Variants in PLGRKT observed in about 807,000 individuals in gnomAD.
PLGRKT encodes plasminogen receptor (KT).
In PLGRKT, 22 loss-of-function variants were observed where a neutral mutation model predicts 18.5. The ratio of observed to expected loss-of-function variants is 1.19; its 90% CI spans 0.85 to 1.70. The LOEUF (loss-of-function observed/expected upper bound fraction) is 1.70, where lower values mean the gene tolerates loss of function less well. PLGRKT is among the 40% of genes most tolerant of loss of function. PLGRKT has a pLI of 0.00. For missense variants in PLGRKT, 235 were observed against 174.4 expected, an observed-to-expected ratio of 1.35 and a Z score of -1.96; for synonymous variants, 72 against 52.8, an observed-to-expected ratio of 1.36 and a Z score of -1.58.
intron 4 of PLGRKT, among the ~76,000 whole-genome samples, chr9:5,361,425 T>C (rs1302114574): frequency 6.6e-6 from 1 of 152,196 alleles, no homozygotes; most frequent in Non-Finnish European, 1.5e-5. Context: ...ACTCTGAAGC[T>C]CAGGTTCCTT....
intron 3 of PLGRKT, among the ~76,000 whole-genome samples, chr9:5,386,878 C>A (rs1459138896): frequency 2.0e-5 from 3 of 151,920 alleles, no homozygotes; most frequent in African/African-American, 7.3e-5. Context: ...AACTGCTCAC[C>A]AGGTCTTGCC....
intron 3 of PLGRKT, among the ~76,000 whole-genome samples, chr9:5,379,509 T>G (rs535438521): frequency 6.6e-6 from 1 of 152,300 alleles, no homozygotes; most frequent in East Asian, 1.9e-4. Flanking sequence ...TATGTGTGTG[T>G]GTGTGTGTAC....
intron 3 of PLGRKT, among the ~76,000 whole-genome samples, chr9:5,393,537 T>A (rs891170805): frequency 6.6e-6 from 1 of 151,788 alleles, no homozygotes; most frequent in Non-Finnish European, 1.5e-5. Context: ...ACATTAGTCA[T>A]TTTACTCAGC....
At chr9:5,371,304 C>G (rs1175998270) in intron 3 of PLGRKT, among the ~76,000 whole-genome samples, 4 of 152,190 alleles carry the variant, frequency 2.6e-5, no homozygotes, top group Non-Finnish European at 4.4e-5. Flanking sequence ...CCATCCACTT[C>G]TGATATGATT....
chr9:5,359,329 T>G (rs1376464400), intron 5 of PLGRKT, among the ~76,000 whole-genome samples: 1 of 152,148 alleles, frequency 6.6e-6, no homozygotes, highest in African/African-American at 2.4e-5. Context: ...GGATTACAGG[T>G]GTGAGCCACT....
intron 3 of PLGRKT, among the ~76,000 whole-genome samples, chr9:5,368,451 G>A (rs551709612): frequency 1.4e-3 from 217 of 152,208 alleles, no homozygotes; most frequent in African/African-American, 5.1e-3. Flanking sequence ...TGCAGCTGGA[G>A]GCCATTATCC....
chr9:5,393,344 T>A (rs1263733843), intron 3 of PLGRKT, among the ~76,000 whole-genome samples: 1 of 151,794 alleles, frequency 6.6e-6, no homozygotes, highest in Non-Finnish European at 1.5e-5. Context: ...GCCTTCTACT[T>A]CCTACACCTC....
intron 3 of PLGRKT, among the ~76,000 whole-genome samples, chr9:5,427,595 A>T (rs767825275): frequency 1.3e-5 from 2 of 152,202 alleles, no homozygotes; most frequent in Non-Finnish European, 2.9e-5. Flanking sequence ...ATAGGTATGT[A>T]TGTACTGGGA....
chr9:5,371,441 A>T (rs1213920507), intron 3 of PLGRKT, among the ~76,000 whole-genome samples: 2 of 152,164 alleles, frequency 1.3e-5, no homozygotes, highest in Non-Finnish European at 2.9e-5. Flanking sequence ...TTCTCATGAC[A>T]GCGAATAACT....
At chr9:5,405,987 C>T (rs117182696) in intron 3 of PLGRKT, among the ~76,000 whole-genome samples, 5,054 of 151,868 alleles carry the variant, frequency 0.033, 129 homozygotes, top group Middle Eastern at 0.082. Flanking sequence ...ACATACATGC[C>T]GCCAACAAAC....
At chr9:5,420,146 C>T (rs1260359539) in intron 3 of PLGRKT, among the ~76,000 whole-genome samples, 1 of 152,164 alleles carries the variant, frequency 6.6e-6, no homozygotes, top group Non-Finnish European at 1.5e-5. Flanking sequence ...TCTATGATTT[C>T]ATTTACAGAA....
intron 3 of PLGRKT, among the ~76,000 whole-genome samples, chr9:5,413,471 G>A (rs1818402344): frequency 6.6e-6 from 1 of 152,184 alleles, no homozygotes. Context: ...CAGGCCCAGT[G>A]TAATCACAAG....
intron 3 of PLGRKT, among the ~76,000 whole-genome samples, chr9:5,394,508 G>A (rs1818008876): frequency 6.6e-6 from 1 of 151,852 alleles, no homozygotes; most frequent in African/African-American, 2.4e-5. Flanking sequence ...CGCCTCCCGG[G>A]TTCAAGCAAT....
intron 3 of PLGRKT, among the ~76,000 whole-genome samples, chr9:5,424,368 T>C (rs1175022109): frequency 3.8e-5 from 5 of 131,154 alleles, no homozygotes; most frequent in South Asian, 2.2e-4. Context: ...TAATACATAA[T>C]GTAATAATAT....
chr9:5,418,850 TC>T lies in PLGRKT; in HGVS notation c.81+13046del. The T allele has an allele frequency of 1.9e-6, 2 of 1,071,370 alleles. No individual in the cohort carries two copies. The highest frequency in any genetic ancestry group is 2.9e-6 in the Non-Finnish European group (2 of 697,712). The allele number at this position is 1,071,370 out of a possible 1,614,324, so 66.4% of individuals were successfully genotyped here. On this transcript the variant is annotated intron_variant, in intron 3 of 5. Transcript: ENST00000223864. This position sits in a 1 kb window ranked among gnomAD's most constrained non-coding sequence, Gnocchi z 4.2. The stretch of plus-strand genomic sequence containing the variant: ...GGGCATCGCACATCCTTCTGGCTGG[TC>T]CTCGTCTGCTGGAGGCAAACTGAAC...
intron 3 of PLGRKT, among the ~76,000 whole-genome samples, chr9:5,413,898 G>A (rs771344015): frequency 6.6e-6 from 1 of 152,048 alleles, no homozygotes; most frequent in African/African-American, 2.4e-5. Context: ...GATTTGGAGT[G>A]GTTTCCAGGA....
At chr9:5,385,262 C>A (rs1462429382) in intron 3 of PLGRKT, among the ~76,000 whole-genome samples, 1 of 152,082 alleles carries the variant, frequency 6.6e-6, no homozygotes, top group South Asian at 2.1e-4. Flanking sequence ...ATTGCTTAAG[C>A]CTTCATAACT....
chr9:5,437,485 T>A (rs773049003), intron 1 of PLGRKT: 6 of 152,240 alleles, frequency 3.9e-5, no homozygotes, highest in Non-Finnish European at 8.8e-5. Context: ...CCAGTTACTG[T>A]AATTTAGGTA....
intron 1 of PLGRKT, among the ~76,000 whole-genome samples, chr9:5,437,311 G>A (rs1166505104): frequency 6.6e-6 from 1 of 152,158 alleles, no homozygotes; most frequent in African/African-American, 2.4e-5. Context: ...CTTATTTCCC[G>A]ATCAGATGAC....
Sources: gnomAD v4.1 joint callset for allele counts (sites outside exome capture counted in the v4.1 genomes callset) on GRCh38, gnomAD v4.1.1 for gene constraint, Gnocchi (gnomAD v3.1) non-coding constraint, MANE v1.5 for transcripts, NCBI Gene and HGNC (gene_info 2026-07-23, HGNC 2026-07-21) for gene names.